ZNF385D: variants seen among roughly 807,000 people sequenced by gnomAD.
ZNF385D encodes zinc finger protein 659.
ZNF385D carries 15 observed loss-of-function variants against 35.8 expected under a neutral mutation model. The ratio of observed to expected loss-of-function variants is 0.42; its 90% CI spans 0.28 to 0.64. The LOEUF (loss-of-function observed/expected upper bound fraction) is 0.64. Among genes scored for constraint, ZNF385D ranks in the 30% least tolerant of loss-of-function variants. ZNF385D has a pLI of 0.23. For synonymous variants in ZNF385D, 212 were observed against 186.8 expected, an observed-to-expected ratio of 1.13 and a Z score of -1.10; for missense variants, 474 against 494.6, an observed-to-expected ratio of 0.96 and a Z score of 0.39.
chr3:21,934,713 C>G (rs1481135117), intron 3 of ZNF385D, among the ~76,000 whole-genome samples: 4 of 152,178 alleles, frequency 2.6e-5, no homozygotes, highest in Non-Finnish European at 5.9e-5. Flanking sequence ...TTGGGGGACA[C>G]ATTTCTTCAG....
intron 3 of ZNF385D, chr3:22,168,468 G>C (rs976169697): frequency 1.3e-5 from 2 of 151,790 alleles, no homozygotes; most frequent in African/African-American, 4.8e-5. Flanking sequence ...ATATCTGCAG[G>C]AATAAAAAAA....
chr3:22,297,025 T>A (rs1175571029), intron 2 of ZNF385D, among the ~76,000 whole-genome samples: 1 of 152,156 alleles, frequency 6.6e-6, no homozygotes, highest in Non-Finnish European at 1.5e-5. Flanking sequence ...GAGGCCCTCA[T>A]ACTCCCCCTG....
chr3:22,258,248 A>G (rs1465633729), intron 2 of ZNF385D, among the ~76,000 whole-genome samples: 2 of 151,808 alleles, frequency 1.3e-5, no homozygotes, highest in Non-Finnish European at 2.9e-5. Flanking sequence ...AGAAGCTTTA[A>G]ATGTTAGAGC....
At chr3:22,033,944 G>C (rs1698161218) in intron 3 of ZNF385D, among the ~76,000 whole-genome samples, 1 of 152,142 alleles carries the variant, frequency 6.6e-6, no homozygotes, top group Non-Finnish European at 1.5e-5. Context: ...CCTGTGTGCT[G>C]AGCAACTACT....
intron 1 of ZNF385D, among the ~76,000 whole-genome samples, chr3:21,704,676 G>A (rs927861058): frequency 5.9e-5 from 9 of 151,702 alleles, no homozygotes; most frequent in Admixed American, 5.3e-4. Flanking sequence ...GCCCAGCTAG[G>A]ATATTATTTC....
Position 22,278,074 on chromosome 3 carries a change from G to T in ZNF385D, c.106+94376C>A, listed in dbSNP as rs150166110. 4.8e-3 allele frequency among the ~76,000 whole-genome samples: 724 copies of T among 152,134 alleles called. 12 individuals are homozygous for T. The highest frequency in any genetic ancestry group is 0.016 in the African/African-American group (654 of 41,514). ...CACTTCTTAGATTTTGTAATAATCT[G>T]CTTTAATGACATTTTCTACACTGCA... On this transcript the variant is annotated intron_variant, in intron 2 of 5. Coordinates refer to the ZNF385D transcript ENST00000494108.
intron 2 of ZNF385D, among the ~76,000 whole-genome samples, chr3:21,587,860 G>A (rs2063856537): frequency 6.6e-6 from 1 of 151,942 alleles, no homozygotes; most frequent in Non-Finnish European, 1.5e-5. Context: ...GGAGAGAATG[G>A]GATACATATC....
intron 1 of ZNF385D, among the ~76,000 whole-genome samples, chr3:21,732,767 G>T (rs191879574): frequency 6.6e-6 from 1 of 152,266 alleles, no homozygotes. Context: ...ACCTTGAAGT[G>T]TTCTCTGTAT....
At chr3:22,263,024 C>A (rs1234757470) in intron 2 of ZNF385D, among the ~76,000 whole-genome samples, 2 of 151,962 alleles carry the variant, frequency 1.3e-5, no homozygotes, top group African/African-American at 4.8e-5. Context: ...CTTAATCTAA[C>A]AACATTTTCC....
chr3:22,016,001 CTAT>C (rs1696863403), intron 3 of ZNF385D, among the ~76,000 whole-genome samples: 1 of 152,006 alleles, frequency 6.6e-6, no homozygotes, highest in Non-Finnish European at 1.5e-5. Context: ...AGAGTTTCTC[CTAT>C]TGTTAAGAAG....
At chr3:21,548,362 T>G (rs902013850) in intron 3 of ZNF385D, among the ~76,000 whole-genome samples, 4 of 152,190 alleles carry the variant, frequency 2.6e-5, no homozygotes, top group Admixed American at 2.6e-4. Context: ...ATATCTAAGA[T>G]TTTTAGAGCC....
At chr3:21,926,795 C>T (rs1188225379) in intron 3 of ZNF385D, among the ~76,000 whole-genome samples, 2 of 152,118 alleles carry the variant, frequency 1.3e-5, no homozygotes, top group Non-Finnish European at 2.9e-5. Context: ...CCAAAATAGA[C>T]AAATGGGATC....
At chr3:22,307,696 G>A (rs375981724) in intron 2 of ZNF385D, among the ~76,000 whole-genome samples, 21 of 149,694 alleles carry the variant, frequency 1.4e-4, no homozygotes, top group Admixed American at 3.3e-4. Context: ...TTGTTTGTTC[G>A]TTTAAAATAG....
At chr3:22,008,617 A>T (rs1302498639) in intron 3 of ZNF385D, among the ~76,000 whole-genome samples, 3 of 152,100 alleles carry the variant, frequency 2.0e-5, no homozygotes, top group Non-Finnish European at 2.9e-5. Flanking sequence ...CGGCCTCCCA[A>T]AGTGCTGGGA....
chr3:21,904,081 G>T (rs2125902136), intron 3 of ZNF385D, among the ~76,000 whole-genome samples: 1 of 152,090 alleles, frequency 6.6e-6, no homozygotes, highest in African/African-American at 2.4e-5. Context: ...GAGGCAGGCA[G>T]ATCATGAGGT....
chr3:21,975,702 A>AATATATATAT (rs56303677), intron 3 of ZNF385D, among the ~76,000 whole-genome samples: 128 of 123,980 alleles, frequency 1.0e-3, no homozygotes, highest in Non-Finnish European at 1.6e-3. Context: ...GTACCCACGA[A>AATATATATAT]ATATATATAT....
Position 21,717,699 on chromosome 3 carries a change from G to A in ZNF385D, c.22+33196C>T, listed in dbSNP as rs574680697. ...TTGTGGTAGTGAATAAGTCTCATGA[G>A]ATCTGATAGTTTTATAAAGGGAAAC... On this transcript the variant is annotated intron_variant, in intron 1 of 7. Transcript: ENST00000281523. Among the ~76,000 whole-genome samples the A allele has an allele frequency of 2.6e-5, 4 of 152,264 alleles. No individual in the cohort carries two copies. The East Asian group carries it at 7.7e-4, about 29-fold the overall frequency.
At chr3:22,270,991 G>A (rs1418980346) in intron 2 of ZNF385D, among the ~76,000 whole-genome samples, 1 of 151,708 alleles carries the variant, frequency 6.6e-6, no homozygotes, top group African/African-American at 2.4e-5. Context: ...TTCATTCTGG[G>A]TATTTTCTGA....
intron 2 of ZNF385D, among the ~76,000 whole-genome samples, chr3:22,319,144 G>A (rs1233805891): frequency 1.3e-5 from 2 of 152,038 alleles, no homozygotes; most frequent in East Asian, 3.9e-4. Context: ...AAAGACAATA[G>A]ATGATAGATT....
Sources: gnomAD v4.1 joint callset for allele counts (sites outside exome capture counted in the v4.1 genomes callset) on GRCh38, gnomAD v4.1.1 for gene constraint, MANE v1.5 for transcripts, NCBI Gene and HGNC (gene_info 2026-07-23, HGNC 2026-07-21) for gene names.